Variants in SNX29 observed in about 807,000 individuals in gnomAD.
The protein encoded by SNX29 is sorting nexin 29.
In SNX29, 78 loss-of-function variants were observed where a neutral mutation model predicts 102.1. The ratio of observed to expected loss-of-function variants is 0.76; its 90% CI spans 0.64 to 0.92. The LOEUF (loss-of-function observed/expected upper bound fraction) is 0.92, where lower values mean the gene tolerates loss of function less well. Ranked by LOEUF, SNX29 falls within the 40% of genes least tolerant of loss-of-function variation. The pLI, the probability that SNX29 is intolerant of heterozygous loss-of-function variation, is 0.00. For missense variants in SNX29, 1,280 were observed against 1,061.7 expected (o/e 1.21, Z -2.86); for synonymous variants, 580 against 414.5 (o/e 1.40, Z -4.85).
At chr16:12,558,779 A>T (rs1189417151) in intron 20 of SNX29, among the ~76,000 whole-genome samples, 1 of 152,196 alleles carries the variant, frequency 6.6e-6, no homozygotes, top group Non-Finnish European at 1.5e-5. Context: ...CGCATTGTAC[A>T]ACCTGAAGCA....
At chr16:12,185,579 C>G (rs1052422328) in intron 13 of SNX29, among the ~76,000 whole-genome samples, 1 of 152,194 alleles carries the variant, frequency 6.6e-6, no homozygotes, top group South Asian at 2.1e-4. Flanking sequence ...CTTTCTCTCT[C>G]CCTCTGTCTC....
At chr16:12,510,213 A>AAT (rs1567636450) in intron 19 of SNX29, among the ~76,000 whole-genome samples, 3 of 152,162 alleles carry the variant, frequency 2.0e-5, no homozygotes, top group Non-Finnish European at 2.9e-5. Context: ...CATGTATTCT[A>AAT]CTGTGTTTAA....
intron 13 of SNX29, among the ~76,000 whole-genome samples, chr16:12,139,163 C>G (rs914024186): frequency 2.3e-5 from 3 of 132,112 alleles, no homozygotes; most frequent in African/African-American, 8.8e-5. Context: ...GGCCACTGTA[C>G]TCCAGAGCCT....
chr16:11,989,871 G>T (rs1043885385), intron 1 of SNX29, among the ~76,000 whole-genome samples: 2 of 152,226 alleles, frequency 1.3e-5, no homozygotes, highest in African/African-American at 4.8e-5. Context: ...AGAAGGGAAC[G>T]TTTGAGTCAG....
intron 18 of SNX29, among the ~76,000 whole-genome samples, chr16:12,466,747 G>A (rs1395717710): frequency 6.6e-6 from 1 of 152,152 alleles, no homozygotes; most frequent in Non-Finnish European, 1.5e-5. Flanking sequence ...GTTGGCAGCA[G>A]TTGGGACTGA....
At chr16:12,568,362 G>T in intron 20 of SNX29, 144 bp from the exon 21 acceptor site, 1 of 1,084,474 alleles carries the variant, frequency 9.2e-7, no homozygotes, top group Non-Finnish European at 1.3e-6. Context: ...TTCTTCAGGT[G>T]GCACCAGTTA....
chr16:12,547,625 G>A (rs1389039914), intron 20 of SNX29, among the ~76,000 whole-genome samples: 9 of 152,054 alleles, frequency 5.9e-5, no homozygotes, highest in Admixed American at 3.9e-4. Context: ...CCACTAAGCT[G>A]TCCCATGGGA....
At chr16:12,236,082 C>T (rs1320406242) in intron 14 of SNX29, among the ~76,000 whole-genome samples, 2 of 152,104 alleles carry the variant, frequency 1.3e-5, no homozygotes, top group Non-Finnish European at 2.9e-5. Context: ...CATAGATAGC[C>T]CAGAACTGCT....
At chr16:12,565,782 C>G (rs562697536) in intron 20 of SNX29, among the ~76,000 whole-genome samples, 1 of 152,204 alleles carries the variant, frequency 6.6e-6, no homozygotes, top group Non-Finnish European at 1.5e-5. Flanking sequence ...ATTTTCACAT[C>G]TAGAGGGCCC....
chr16:12,414,500 A>G (rs754049294), intron 18 of SNX29, among the ~76,000 whole-genome samples: 4 of 152,208 alleles, frequency 2.6e-5, no homozygotes, highest in Non-Finnish European at 5.9e-5. Context: ...CTCCACGGTT[A>G]CAGAAACAAA....
chr16:12,149,678 G>C (rs573001118), intron 13 of SNX29, among the ~76,000 whole-genome samples: 15 of 152,270 alleles, frequency 9.9e-5, no homozygotes, highest in African/African-American at 3.6e-4. Context: ...ATGAAAATGG[G>C]AAAAATAATA....
intron 14 of SNX29, among the ~76,000 whole-genome samples, chr16:12,239,942 A>AT (rs145098141): frequency 0.018 from 2,674 of 152,318 alleles, 80 homozygotes; most frequent in African/African-American, 0.062. Flanking sequence ...TATTGAAGAG[A>AT]TTTGAAGTAC....
chr16:12,338,444 G>T (rs192266787), intron 15 of SNX29, among the ~76,000 whole-genome samples: 1 of 152,334 alleles, frequency 6.6e-6, no homozygotes, highest in African/African-American at 2.4e-5. Flanking sequence ...GAACAAGGAA[G>T]CTCATCCCCT....
At position 12,230,992 on chromosome 16, in the gene SNX29, A is replaced by G. The variant is rs542536081; in HGVS notation, c.1678+31309A>G. Among the ~76,000 whole-genome samples, 5 of 152,056 alleles carry G rather than the reference A, an allele frequency of 3.3e-5. 1 individual carries two copies. In the South Asian group the frequency reaches 1.0e-3, roughly 32 times the overall value. On this transcript the variant is annotated intron_variant, in intron 14 of 20. Coordinates refer to ENST00000566228, the MANE Select transcript of SNX29 (RefSeq NM_032167.5). ...CTCCCGAGTAGCTGGGACTATCTGT[A>G]GGCATGTACCACCACACCCGGCTAA... is the stretch of plus-strand genomic sequence containing the variant.
At position 12,570,921 on chromosome 16, in the gene SNX29, A is replaced by G. The variant is rs28485829; in HGVS notation, c.*2292A>G. Reference sequence around the variant, plus strand: ...AAAACCTGGTCTGCTCTCCAAAATGAGAGCATGTTCCTGGGAGCCACATGG... The same window carrying G: ...AAAACCTGGTCTGCTCTCCAAAATGGGAGCATGTTCCTGGGAGCCACATGG... On this transcript the variant is annotated 3_prime_UTR_variant, in exon 21 of 21. Transcript: ENST00000566228. 0.54 allele frequency: 122,406 copies of G among 225,854 alleles called. 34,122 individuals carry two copies. Among genetic ancestry groups the G allele is most frequent in the Middle Eastern group, 0.64 (493 of 766 alleles). 14.0% of individuals were successfully genotyped at this position (225,854 alleles called of 1,614,324 possible).
intron 18 of SNX29, among the ~76,000 whole-genome samples, chr16:12,475,540 T>C (rs1037955488): frequency 3.3e-5 from 5 of 152,294 alleles, no homozygotes; most frequent in African/African-American, 1.2e-4. Context: ...GTTGAAAATA[T>C]CGTAAGTTGA....
intron 11 of SNX29, 106 bp downstream of exon 11, chr16:12,079,021 G>C: frequency 1.1e-6 from 1 of 939,124 alleles, no homozygotes; most frequent in Non-Finnish European, 1.6e-6. Flanking sequence ...GTTCACGTCA[G>C]GTGTGTACGT....
intron 19 of SNX29, among the ~76,000 whole-genome samples, chr16:12,514,886 A>G (rs943557856): frequency 1.7e-4 from 26 of 149,866 alleles, no homozygotes; most frequent in African/African-American, 6.1e-4. Flanking sequence ...GAAAGAAAGA[A>G]AGAGAGAGAG....
At chr16:12,089,555 A>G (rs2052399690) in intron 11 of SNX29, among the ~76,000 whole-genome samples, 1 of 152,110 alleles carries the variant, frequency 6.6e-6, no homozygotes, top group African/African-American at 2.4e-5. Context: ...ATGTTTCAGG[A>G]AAGGGCTTCT....
Sources: gnomAD v4.1 joint callset for allele counts (sites outside exome capture counted in the v4.1 genomes callset) on GRCh38, gnomAD v4.1.1 for gene constraint, MANE v1.5 for transcripts, NCBI Gene and HGNC (gene_info 2026-07-23, HGNC 2026-07-21) for gene names.